DENND1A: variants seen among roughly 807,000 people sequenced by gnomAD.
DENND1A encodes DENN domain containing 1A.
Under a neutral mutation model 113.7 loss-of-function variants are expected in DENND1A, and 51 were observed. The observed-to-expected ratio is 0.45, with a 90% CI of 0.36 to 0.57. The LOEUF is 0.57. DENND1A is among the 20% of genes least tolerant of loss of function. The pLI, the probability that DENND1A is intolerant of heterozygous loss-of-function variation, is 0.00. For synonymous variants in DENND1A, 565 were observed against 570.8 expected (o/e 0.99, Z 0.14); for missense variants, 1,258 against 1,395.9 (o/e 0.90, Z 1.57).
At chr9:123,457,757 G>A (rs1483258199) in intron 14 of DENND1A, 36 bp downstream of exon 14, 1 of 1,566,424 alleles carries the variant, frequency 6.4e-7, no homozygotes, top group Non-Finnish European at 8.7e-7. Context: ...TCCCCGCCAG[G>A]GAGCCAGACC....
chr9:123,902,759 A>G (rs1205398056), intron 1 of DENND1A, among the ~76,000 whole-genome samples: 1 of 152,016 alleles, frequency 6.6e-6, no homozygotes, highest in African/African-American at 2.4e-5. Context: ...TAAAACAGGA[A>G]CAAAAAGCTG....
At chr9:123,801,773 C>G (rs567962921) in intron 2 of DENND1A, among the ~76,000 whole-genome samples, 1 of 152,306 alleles carries the variant, frequency 6.6e-6, no homozygotes, top group Non-Finnish European at 1.5e-5. Context: ...GACATTAAGA[C>G]CAACCCAGCC....
chr9:123,691,077 T>C (rs1174845930), intron 5 of DENND1A, among the ~76,000 whole-genome samples: 1 of 152,182 alleles, frequency 6.6e-6, no homozygotes, highest in East Asian at 1.9e-4. Flanking sequence ...CTAAGGTCAC[T>C]CTTAGTTGAG....
At chr9:123,768,810 A>G (rs1778889) in intron 4 of DENND1A, among the ~76,000 whole-genome samples, 22,794 of 149,230 alleles carry the variant, frequency 0.15, 2,155 homozygotes, top group African/African-American at 0.26. Context: ...AAAAAAAAAA[A>G]CTCCTCTAAA....
intron 8 of DENND1A, among the ~76,000 whole-genome samples, chr9:123,655,060 T>A (rs895305713): frequency 1.3e-5 from 2 of 152,170 alleles, no homozygotes; most frequent in Admixed American, 1.3e-4. Context: ...TTGTAATTAC[T>A]CCTGCTGTGT....
At chr9:123,528,864 A>G (rs2055060021) in intron 13 of DENND1A, among the ~76,000 whole-genome samples, 1 of 152,126 alleles carries the variant, frequency 6.6e-6, no homozygotes, top group Non-Finnish European at 1.5e-5. Flanking sequence ...TTTTTCCTAA[A>G]TGTTTACCCA....
At chr9:123,406,413 G>A (rs2043857162) in intron 20 of DENND1A, among the ~76,000 whole-genome samples, 1 of 152,236 alleles carries the variant, frequency 6.6e-6, no homozygotes, top group Non-Finnish European at 1.5e-5. Flanking sequence ...TGACCTGGAT[G>A]TCCCTTCTTG....
intron 5 of DENND1A, among the ~76,000 whole-genome samples, chr9:123,679,141 G>A (rs149151758): frequency 6.6e-5 from 10 of 152,304 alleles, no homozygotes; most frequent in African/African-American, 2.4e-4. Flanking sequence ...AGAAAACTGT[G>A]ACTTCAAGTA....
intron 13 of DENND1A, among the ~76,000 whole-genome samples, chr9:123,495,858 C>T (rs190029316): frequency 2.6e-4 from 39 of 152,324 alleles, no homozygotes; most frequent in African/African-American, 7.0e-4. Context: ...TGTTCCTTAG[C>T]GGTATACATG....
At chr9:123,862,420 T>A (rs1267601484) in intron 2 of DENND1A, among the ~76,000 whole-genome samples, 1 of 152,194 alleles carries the variant, frequency 6.6e-6, no homozygotes, top group African/African-American at 2.4e-5. Flanking sequence ...TGAGCTAACA[T>A]GACCTAAATC....
At chr9:123,417,172 C>G (rs949757341) in intron 19 of DENND1A, among the ~76,000 whole-genome samples, 1 of 152,138 alleles carries the variant, frequency 6.6e-6, no homozygotes, top group Non-Finnish European at 1.5e-5. Flanking sequence ...TACAGCCGCA[C>G]GAGGTTCTGG....
intron 19 of DENND1A, among the ~76,000 whole-genome samples, chr9:123,436,849 G>A (rs550166513): frequency 6.6e-6 from 1 of 152,124 alleles, no homozygotes; most frequent in African/African-American, 2.4e-5. Context: ...CTGGGTTCAA[G>A]CAATTCTCAT....
Position 123,929,992 on chromosome 9 carries a change from C to A in DENND1A, c.-87G>T. 2 of 267,076 alleles carry A rather than the reference C, an allele frequency of 7.5e-6. No homozygotes were observed. The highest frequency in any genetic ancestry group is 2.3e-5 in the African/African-American group (1 of 43,446). 16.5% of individuals were successfully genotyped at this position (267,076 alleles called of 1,614,324 possible). ...GCGGCCGACCGGCCTCCCTCTGGCG[C>A]TCTCCCCGCCCCTTCCTCCCTTCCC... On this transcript the variant is annotated 5_prime_UTR_variant, in exon 1 of 24. Transcript: ENST00000394215.
chr9:123,808,595 T>C (rs957913773), intron 2 of DENND1A, among the ~76,000 whole-genome samples: 4 of 152,146 alleles, frequency 2.6e-5, no homozygotes, highest in African/African-American at 9.7e-5. Flanking sequence ...TTGCCCAGGC[T>C]GGTCTCAAAC....
At chr9:123,904,111 CA>C (rs1304295424) in intron 1 of DENND1A, among the ~76,000 whole-genome samples, 1 of 152,266 alleles carries the variant, frequency 6.6e-6, no homozygotes, top group Admixed American at 6.5e-5. Flanking sequence ...AGCAGGGGCA[CA>C]CTGACACCTC....
intron 19 of DENND1A, among the ~76,000 whole-genome samples, chr9:123,418,762 C>T (rs1448137775): frequency 6.6e-6 from 1 of 152,224 alleles, no homozygotes; most frequent in East Asian, 1.9e-4. Context: ...AGGGCTGCTA[C>T]CCATTTCACA....
At chr9:123,632,815 C>G (rs1159345708) in intron 9 of DENND1A, among the ~76,000 whole-genome samples, 2 of 152,176 alleles carry the variant, frequency 1.3e-5, no homozygotes, top group Non-Finnish European at 2.9e-5. Context: ...ATTTGTGCCT[C>G]TAGCAAACTC....
chr9:123,533,762 G>A (rs2055516332), intron 13 of DENND1A, among the ~76,000 whole-genome samples: 1 of 152,214 alleles, frequency 6.6e-6, no homozygotes, highest in Admixed American at 6.5e-5. Context: ...GGTCAGTAAA[G>A]GGTAAGGGCT....
intron 1 of DENND1A, among the ~76,000 whole-genome samples, chr9:123,879,849 G>A (rs920257491): frequency 2.0e-5 from 3 of 152,182 alleles, no homozygotes; most frequent in African/African-American, 4.8e-5. Context: ...AAGACAAGAT[G>A]CCAATCTAAA....
Sources: allele counts gnomAD v4.1 joint callset (sites outside exome capture counted in the v4.1 genomes callset), GRCh38; gene constraint gnomAD v4.1.1; transcripts MANE v1.5; gene names NCBI Gene and HGNC (gene_info 2026-07-23, HGNC 2026-07-21).